RFX3: variants seen among roughly 807,000 people sequenced by gnomAD.
RFX3 encodes the protein regulatory factor X3.
RFX3 carries 14 observed loss-of-function variants against 98.6 expected under a neutral mutation model. The ratio of observed to expected loss-of-function variants is 0.14; its 90% CI spans 0.09 to 0.22. The LOEUF is 0.22. RFX3 is among the 10% of genes least tolerant of loss of function. The pLI, the probability that RFX3 is intolerant of heterozygous loss-of-function variation, is 1.00. For missense variants in RFX3, 639 were observed against 926.9 expected (o/e 0.69, Z 4.03); for synonymous variants, 383 against 328.4 (o/e 1.17, Z -1.80).
intron 2 of RFX3, among the ~76,000 whole-genome samples, chr9:3,360,561 T>G (rs1836301849): frequency 6.6e-6 from 1 of 152,176 alleles, no homozygotes; most frequent in Non-Finnish European, 1.5e-5. Context: ...ATGATGTATT[T>G]ACATTCATAA....
At chr9:3,493,652 C>T (rs908401737) in intron 1 of RFX3, among the ~76,000 whole-genome samples, 3 of 144,260 alleles carry the variant, frequency 2.1e-5, no homozygotes, top group African/African-American at 7.7e-5. Flanking sequence ...CCACTGCACT[C>T]CAGCCTGGGC....
intron 1 of RFX3, among the ~76,000 whole-genome samples, chr9:3,470,622 C>T (rs1040524717): frequency 3.9e-5 from 6 of 152,164 alleles, no homozygotes; most frequent in African/African-American, 7.2e-5. Flanking sequence ...GCCACCGCAC[C>T]GGGCCAAAGC....
intron 15 of RFX3, among the ~76,000 whole-genome samples, chr9:3,237,230 T>C (rs1006574340): frequency 1.3e-5 from 2 of 152,226 alleles, no homozygotes; most frequent in African/African-American, 4.8e-5. Context: ...CACTCTATTT[T>C]GTTGTTTGTG....
intron 1 of RFX3, among the ~76,000 whole-genome samples, chr9:3,500,302 A>T (rs1212554799): frequency 6.6e-6 from 1 of 152,202 alleles, no homozygotes; most frequent in Non-Finnish European, 1.5e-5. Context: ...GGGAGAAAAG[A>T]GGTAGAAGAA....
At chr9:3,358,131 G>C (rs1335500202) in intron 2 of RFX3, among the ~76,000 whole-genome samples, 1 of 152,052 alleles carries the variant, frequency 6.6e-6, no homozygotes, top group Non-Finnish European at 1.5e-5. Flanking sequence ...TTTAAGCAAT[G>C]ATTTCCTTGT....
chr9:3,386,061 T>C (rs1270410306), intron 2 of RFX3, among the ~76,000 whole-genome samples: 3 of 152,186 alleles, frequency 2.0e-5, no homozygotes, highest in Non-Finnish European at 4.4e-5. Context: ...TGGTGTTGGT[T>C]CTGATCTAGA....
intron 1 of RFX3, among the ~76,000 whole-genome samples, chr9:3,446,332 T>C (rs1846046657): frequency 6.6e-6 from 1 of 152,144 alleles, no homozygotes; most frequent in African/African-American, 2.4e-5. Flanking sequence ...CAACTATTAC[T>C]ATCTGTCCTA....
intron 1 of RFX3, 147 bp from the exon 2 acceptor site, chr9:3,395,743 T>C (rs1017965608): frequency 2.6e-6 from 2 of 765,130 alleles, no homozygotes; most frequent in South Asian, 2.0e-5. Flanking sequence ...AGTCCGTGCA[T>C]GTGTATGGTC....
chr9:3,229,396 G>T lies in RFX3; in HGVS notation c.1969-507C>A, dbSNP rs73642617. On this transcript the variant is annotated intron_variant, in intron 15 of 16. Coordinates refer to ENST00000617270, the MANE Select transcript of RFX3 (RefSeq NM_001282116.2). ...GAAAATAGAAACTCCAAAATTGAGT[G>T]TATTTGTTTTTACAAAATCTTTGAG... Among the ~76,000 whole-genome samples, 1,022 of 152,294 alleles carry T rather than the reference G, an allele frequency of 6.7e-3. 4 individuals are homozygous for T. Among genetic ancestry groups the T allele is most frequent in the African/African-American group, 0.023 (965 of 41,570 alleles).
rs1038253127 is a variant in RFX3, at chr9:3,247,310, T to A, written c.1968+722A>T. 3.0e-6 allele frequency: 3 copies of A among 987,342 alleles called. No homozygotes were observed. In the African/African-American group the frequency reaches 5.2e-5, roughly 17 times the overall value. 61.2% of individuals were successfully genotyped at this position (987,342 alleles called of 1,614,324 possible). ...GCCATTTTGATGACTATTCAGAAATTCTGAAGAAGAGAATTTTCCCCCTTA... is the reference window on the plus strand; with the variant it reads ...GCCATTTTGATGACTATTCAGAAATACTGAAGAAGAGAATTTTCCCCCTTA... On this transcript the variant is annotated intron_variant, in intron 15 of 16. Transcript: ENST00000617270.
intron 1 of RFX3, among the ~76,000 whole-genome samples, chr9:3,520,877 G>A (rs1332147948): frequency 1.3e-5 from 2 of 152,118 alleles, no homozygotes; most frequent in East Asian, 3.8e-4. Context: ...ATGAAATCTT[G>A]CTATGTTGCC....
At chr9:3,366,696 T>TTCTTTCTTTC (rs1837158021) in intron 2 of RFX3, among the ~76,000 whole-genome samples, 1 of 72,766 alleles carries the variant, frequency 1.4e-5, no homozygotes, top group Admixed American at 1.4e-4. Flanking sequence ...TTTCTTTCCT[T>TTCTTTCTTTC]TCTTTCTTTC....
At chr9:3,510,322 G>GCC (rs373804646) in intron 1 of RFX3, among the ~76,000 whole-genome samples, 1 of 150,640 alleles carries the variant, frequency 6.6e-6, no homozygotes, top group African/African-American at 2.4e-5. Flanking sequence ...ATCATTTCTT[G>GCC]CCCCCCCCAA....
rs529780978 is a variant in RFX3 at position 3,305,054 on chromosome 9, C to T, written c.475-3434G>A. ...TTTACAGACTCTCTGAATTCAAAAC[C>T]CATGTATTAAAAGATGGAAGTGTTC... is the stretch of plus-strand genomic sequence containing the variant. On this transcript the variant is annotated intron_variant, in intron 4 of 16. Coordinates refer to ENST00000617270, the MANE Select transcript of RFX3 (RefSeq NM_001282116.2). 5.9e-5 allele frequency among the ~76,000 whole-genome samples: 9 copies of T among 151,992 alleles called. No homozygotes were observed. In the South Asian group the frequency reaches 6.2e-4, roughly 11 times the overall value.
At chr9:3,469,737 G>A (rs1264061899) in intron 1 of RFX3, among the ~76,000 whole-genome samples, 1 of 151,320 alleles carries the variant, frequency 6.6e-6, no homozygotes, top group East Asian at 1.9e-4. Context: ...AGAAAAACAG[G>A]ACATATGACC....
chr9:3,519,418 A>C (rs551207421), intron 1 of RFX3, among the ~76,000 whole-genome samples: 4 of 152,310 alleles, frequency 2.6e-5, no homozygotes, highest in African/African-American at 9.6e-5. Context: ...TGGGCTCATT[A>C]AAAAAGGGAT....
chr9:3,487,230 T>C (rs891495871), intron 1 of RFX3, among the ~76,000 whole-genome samples: 2 of 152,190 alleles, frequency 1.3e-5, no homozygotes, highest in African/African-American at 4.8e-5. Flanking sequence ...CTTAATTAAA[T>C]ACCAGGCTTG....
At chr9:3,280,406 G>T (rs890037914) in intron 7 of RFX3, among the ~76,000 whole-genome samples, 18 of 151,696 alleles carry the variant, frequency 1.2e-4, no homozygotes, top group African/African-American at 4.4e-4. Flanking sequence ...ACAATGTATT[G>T]TCTGGCAATG....
intron 5 of RFX3, among the ~76,000 whole-genome samples, chr9:3,293,831 G>A (rs1014898233): frequency 6.6e-6 from 1 of 151,898 alleles, no homozygotes; most frequent in Non-Finnish European, 1.5e-5. Context: ...AAATTCAGTC[G>A]TTTCTTCCCC....
Sources: allele counts gnomAD v4.1 joint callset (sites outside exome capture counted in the v4.1 genomes callset), GRCh38; gene constraint gnomAD v4.1.1; transcripts MANE v1.5; gene names NCBI Gene and HGNC (gene_info 2026-07-23, HGNC 2026-07-21).